The following IMMP2L variants were observed in gnomAD, a reference collection of about 807,000 sequenced individuals.
IMMP2L encodes the protein mitochondrial inner membrane protease subunit 2.
IMMP2L carries 18 observed loss-of-function variants against 19.3 expected under a neutral mutation model. That is an observed-to-expected ratio of 0.93 (90% CI 0.64 to 1.38). IMMP2L has a LOEUF of 1.38. Ranked by LOEUF, IMMP2L falls within the 40% of genes most tolerant of loss-of-function variation. The pLI is 0.00. For synonymous variants in IMMP2L, 76 were observed against 73.0 expected (o/e 1.04, Z -0.21); for missense variants, 233 against 218.2 (o/e 1.07, Z -0.43).
rs1030852405 is a variant in IMMP2L at position 111,497,284 on chromosome 7, T to A, written c.136-9943A>T. ...CTTGAAAATGTCACATTTAAAAAGA[T>A]TTCCTAAGAAACTAATTGGACATAT... On this transcript the variant is annotated intron_variant, in intron 2 of 5. Coordinates refer to ENST00000405709, the MANE Select transcript of IMMP2L (RefSeq NM_032549.4). Among the ~76,000 whole-genome samples the A allele has an allele frequency of 1.8e-4, 27 of 152,178 alleles. 1 individual carries two copies. Among genetic ancestry groups the A allele is most frequent in the Non-Finnish European group, 3.2e-4 (22 of 68,002 alleles).
At chr7:110,774,269 T>C (rs1443595395) in intron 5 of IMMP2L, among the ~76,000 whole-genome samples, 1 of 152,138 alleles carries the variant, frequency 6.6e-6, no homozygotes, top group Non-Finnish European at 1.5e-5. Flanking sequence ...GGTTTGATCA[T>C]GCTCTCTGGT....
At chr7:111,417,294 T>C (rs1835041844) in intron 3 of IMMP2L, among the ~76,000 whole-genome samples, 1 of 151,874 alleles carries the variant, frequency 6.6e-6, no homozygotes. Flanking sequence ...CTTCCTCTTC[T>C]TCTCCACCAA....
intron 5 of IMMP2L, among the ~76,000 whole-genome samples, chr7:110,844,402 C>G (rs1805432177): frequency 6.6e-6 from 1 of 151,922 alleles, no homozygotes; most frequent in South Asian, 2.1e-4. Context: ...ATGTTTCAGA[C>G]AGCAGCAATT....
At chr7:110,714,817 G>A (rs1270273848) in intron 5 of IMMP2L, among the ~76,000 whole-genome samples, 1 of 152,060 alleles carries the variant, frequency 6.6e-6, no homozygotes, top group East Asian at 1.9e-4. Context: ...GGCAGGTCTC[G>A]AACTCGACCT....
chr7:111,319,417 TA>T (rs749861150), intron 3 of IMMP2L, among the ~76,000 whole-genome samples: 2 of 151,874 alleles, frequency 1.3e-5, no homozygotes, highest in African/African-American at 4.8e-5. Context: ...TCCAAAACCG[TA>T]AAAAAAATTC....
intron 3 of IMMP2L, among the ~76,000 whole-genome samples, chr7:111,382,013 T>C (rs1163004514): frequency 6.6e-6 from 1 of 151,858 alleles, no homozygotes; most frequent in Non-Finnish European, 1.5e-5. Context: ...GGGAAGCAAT[T>C]GGATGTCATG....
At chr7:110,744,909 T>C (rs187981997) in intron 5 of IMMP2L, among the ~76,000 whole-genome samples, 26 of 152,044 alleles carry the variant, frequency 1.7e-4, no homozygotes, top group Non-Finnish European at 2.9e-4. Flanking sequence ...GTTTGACAAA[T>C]TGACAGACGT....
intron 5 of IMMP2L, among the ~76,000 whole-genome samples, chr7:110,777,501 G>A (rs751745431): frequency 1.3e-5 from 2 of 151,824 alleles, no homozygotes; most frequent in African/African-American, 2.4e-5. Flanking sequence ...CCCGTAAATC[G>A]AAGTTTCTTT....
chr7:110,926,895 G>A (rs1585296335), intron 4 of IMMP2L, among the ~76,000 whole-genome samples: 2 of 151,952 alleles, frequency 1.3e-5, no homozygotes, highest in East Asian at 3.9e-4. Context: ...GCTGTTCAGG[G>A]GACACTGTAA....
At position 111,401,717 on chromosome 7, in the gene IMMP2L, C is replaced by A. The variant is rs115746405; in HGVS notation, c.239+85521G>T. Among the ~76,000 whole-genome samples the A allele has an allele frequency of 9.0e-3, 1,362 of 152,134 alleles. 28 individuals are homozygous for A. The highest frequency in any genetic ancestry group is 0.031 in the African/African-American group (1,306 of 41,502). On this transcript the variant is annotated intron_variant, in intron 3 of 5. Transcript: ENST00000405709. Reference sequence around the variant, plus strand: ...TTAAGCAAGTCATGGTCATACTGAGCAATTCAACTGGTAAACCACGGACTG... The same window carrying A: ...TTAAGCAAGTCATGGTCATACTGAGAAATTCAACTGGTAAACCACGGACTG...
chr7:111,109,850 C>T (rs1798987604), intron 3 of IMMP2L, among the ~76,000 whole-genome samples: 1 of 152,254 alleles, frequency 6.6e-6, no homozygotes, highest in East Asian at 1.9e-4. Flanking sequence ...AAAAAGTCTT[C>T]AGGGGCTGGG....
At chr7:110,918,047 A>G (rs1813822305) in intron 4 of IMMP2L, among the ~76,000 whole-genome samples, 1 of 152,164 alleles carries the variant, frequency 6.6e-6, no homozygotes, top group Non-Finnish European at 1.5e-5. Flanking sequence ...TACCACCAAC[A>G]ACAGGCCAGG....
At chr7:111,322,557 GA>G (rs2076905054) in intron 3 of IMMP2L, among the ~76,000 whole-genome samples, 1 of 150,718 alleles carries the variant, frequency 6.6e-6, no homozygotes, top group African/African-American at 2.4e-5. Flanking sequence ...CCCAAAAAAT[GA>G]AAAAGAAATT....
chr7:111,177,787 G>A (rs1357640372), intron 3 of IMMP2L, among the ~76,000 whole-genome samples: 1 of 151,952 alleles, frequency 6.6e-6, no homozygotes, highest in African/African-American at 2.4e-5. Flanking sequence ...TTCACATATA[G>A]AAACATCAGA....
At chr7:110,807,714 A>T (rs1801727098) in intron 5 of IMMP2L, among the ~76,000 whole-genome samples, 1 of 152,088 alleles carries the variant, frequency 6.6e-6, no homozygotes, top group Non-Finnish European at 1.5e-5. Context: ...TATCCTTTTA[A>T]ATACAACTTC....
At position 111,172,894 on chromosome 7, in the gene IMMP2L, G is replaced by A. The variant is rs1038988117; in HGVS notation, c.240-209329C>T. 2.6e-5 allele frequency among the ~76,000 whole-genome samples: 4 copies of A among 151,684 alleles called. No homozygotes were observed. In the East Asian group the frequency reaches 7.8e-4, roughly 29 times the overall value. On this transcript the variant is annotated intron_variant, in intron 3 of 5. Coordinates refer to ENST00000405709, the MANE Select transcript of IMMP2L (RefSeq NM_032549.4). ...AACTTGAAATTGGCAAAATGGCAGAGAACTCATGGTATAATGGTGGAAAAA... is the reference window on the plus strand; with the variant it reads ...AACTTGAAATTGGCAAAATGGCAGAAAACTCATGGTATAATGGTGGAAAAA...
chr7:110,872,568 G>A (rs975544118), intron 5 of IMMP2L, among the ~76,000 whole-genome samples: 4 of 152,070 alleles, frequency 2.6e-5, no homozygotes, highest in African/African-American at 7.2e-5. Flanking sequence ...TTTCTATAAC[G>A]CTGCCCCTAG....
intron 3 of IMMP2L, among the ~76,000 whole-genome samples, chr7:111,425,727 T>G (rs1836009666): frequency 6.6e-6 from 1 of 151,126 alleles, no homozygotes; most frequent in African/African-American, 2.4e-5. Context: ...TCAAATTCAC[T>G]CAGTAAAGAA....
chr7:111,416,031 T>C (rs1006990837), intron 3 of IMMP2L, among the ~76,000 whole-genome samples: 10 of 151,818 alleles, frequency 6.6e-5, no homozygotes, highest in Non-Finnish European at 1.3e-4. Context: ...GAACTTCATC[T>C]CAGTTTTAAA....
Sources: gnomAD v4.1 joint callset for allele counts (sites outside exome capture counted in the v4.1 genomes callset) on GRCh38, gnomAD v4.1.1 for gene constraint, MANE v1.5 for transcripts, NCBI Gene and HGNC (gene_info 2026-07-23, HGNC 2026-07-21) for gene names.